The following CCDC102B variants were observed in gnomAD, a reference collection of about 807,000 sequenced individuals.
CCDC102B encodes the protein coiled-coil domain-containing protein 102B.
In CCDC102B, 75 loss-of-function variants were observed where a neutral mutation model predicts 57.4. The observed-to-expected ratio is 1.31, with a 90% CI of 1.08 to 1.58. CCDC102B has a LOEUF of 1.58. CCDC102B is among the 40% of genes most tolerant of loss of function. The pLI is 0.00. For missense variants in CCDC102B, 636 were observed against 582.6 expected (o/e 1.09, Z -0.94); for synonymous variants, 206 against 201.9 (o/e 1.02, Z -0.17).
intron 6 of CCDC102B, among the ~76,000 whole-genome samples, chr18:68,960,928 T>C (rs2050031239): frequency 2.0e-5 from 3 of 152,182 alleles, no homozygotes; most frequent in African/African-American, 7.2e-5. Context: ...AGTGCCTCTT[T>C]CCTTAATATG....
intron 6 of CCDC102B, among the ~76,000 whole-genome samples, chr18:68,935,999 C>A (rs1461507285): frequency 6.6e-6 from 1 of 151,840 alleles, no homozygotes; most frequent in Middle Eastern, 3.2e-3. Context: ...CCAAAATACT[C>A]CAAAATATGC....
Position 68,874,718 on chromosome 18 carries a change from G to A in CCDC102B, c.986G>A (p.Gly329Asp), listed in dbSNP as rs746426458. Residue 329 changes from glycine to aspartate, a missense_variant, in exon 5 of 8, where the codon GGC becomes GAC. Transcript: ENST00000360242. ...QHNDEMQELS[G>D]NIKEESKSQN... ...AATGATGAAATGCAAGAACTGTCAGGCAATATAAAGGAAGAATCCAAATCT... is the reference window on the plus strand; with the variant it reads ...AATGATGAAATGCAAGAACTGTCAGACAATATAAAGGAAGAATCCAAATCT... 3 of 1,612,136 alleles carry A rather than the reference G, an allele frequency of 1.9e-6. No individual in the cohort carries two copies. Among genetic ancestry groups the A allele is most frequent in the South Asian group, 1.1e-5 (1 of 91,016 alleles).
chr18:68,958,436 A>G (rs2049962968), intron 6 of CCDC102B, among the ~76,000 whole-genome samples: 1 of 152,194 alleles, frequency 6.6e-6, no homozygotes, highest in African/African-American at 2.4e-5. Context: ...CTTGCTTCCC[A>G]GGAATAAATC....
chr18:68,819,163 G>C (rs2036601646), intron 1 of CCDC102B, among the ~76,000 whole-genome samples: 1 of 151,966 alleles, frequency 6.6e-6, no homozygotes, highest in Non-Finnish European at 1.5e-5. Context: ...TTGATATCCT[G>C]TTTAGAAAAA....
intron 5 of CCDC102B, 79 bp downstream of exon 5, chr18:68,874,864 G>A: frequency 1.1e-6 from 1 of 882,746 alleles, no homozygotes; most frequent in Non-Finnish European, 1.8e-6. Flanking sequence ...TTTAAGTAGG[G>A]TAACGGTCGT....
At chr18:68,947,401 T>C (rs2049570528) in intron 6 of CCDC102B, among the ~76,000 whole-genome samples, 1 of 152,076 alleles carries the variant, frequency 6.6e-6, no homozygotes, top group Admixed American at 6.6e-5. Flanking sequence ...ATATAATGGC[T>C]GCACATACAT....
intron 1 of CCDC102B, among the ~76,000 whole-genome samples, chr18:68,823,178 G>A (rs1243396143): frequency 6.6e-6 from 1 of 152,190 alleles, no homozygotes; most frequent in Non-Finnish European, 1.5e-5. Context: ...ACCAATTGGA[G>A]GCCTCTAAAG....
chr18:68,979,579 T>C (rs1363896916), intron 6 of CCDC102B, among the ~76,000 whole-genome samples: 1 of 152,030 alleles, frequency 6.6e-6, no homozygotes, highest in Non-Finnish European at 1.5e-5. Context: ...TGTGTATGAT[T>C]GAATGCAGAA....
intron 1 of CCDC102B, among the ~76,000 whole-genome samples, chr18:68,818,075 A>G (rs188716300): frequency 2.4e-4 from 37 of 152,300 alleles, no homozygotes; most frequent in Non-Finnish European, 3.7e-4. Flanking sequence ...ATTAAACTAC[A>G]TTATTTTACA....
At chr18:68,744,642 A>G (rs2033540174) in intron 2 of CCDC102B, among the ~76,000 whole-genome samples, 1 of 152,012 alleles carries the variant, frequency 6.6e-6, no homozygotes, top group Non-Finnish European at 1.5e-5. Flanking sequence ...CATGGATTCA[A>G]CCGTGTAGGA....
At chr18:68,833,838 A>G (rs2037249016) in intron 1 of CCDC102B, among the ~76,000 whole-genome samples, 3 of 152,166 alleles carry the variant, frequency 2.0e-5, no homozygotes, top group African/African-American at 7.2e-5. Context: ...TGCAGGAATC[A>G]TGGTGGCCTG....
At chr18:68,740,677 C>A (rs969954888) in intron 2 of CCDC102B, among the ~76,000 whole-genome samples, 1 of 152,132 alleles carries the variant, frequency 6.6e-6, no homozygotes, top group Admixed American at 6.6e-5. Context: ...CATGAGTAAC[C>A]CAGTGCTGCC....
At chr18:68,872,173 T>A (rs955950518) in intron 4 of CCDC102B, among the ~76,000 whole-genome samples, 6 of 152,190 alleles carry the variant, frequency 3.9e-5, no homozygotes, top group Non-Finnish European at 8.8e-5. Flanking sequence ...AATTTGGCTT[T>A]CCAGTGTGTC....
chr18:68,874,079 GT>G (rs1355450666), intron 4 of CCDC102B, among the ~76,000 whole-genome samples: 5 of 150,204 alleles, frequency 3.3e-5, no homozygotes, highest in Admixed American at 3.3e-4. Flanking sequence ...TCACCTTTCT[GT>G]TTTTTTCTGC....
At position 69,054,760 on chromosome 18, in the gene CCDC102B, T is replaced by TCGC; in HGVS notation, c.*624_*626dup. On this transcript the variant is annotated 3_prime_UTR_variant, in exon 8 of 8. Transcript: ENST00000360242. Reference sequence around the variant, plus strand: ...TTGAATCTAAGACAGGCTGTAAGCATCGCTGAGAAACTAAAAGGACTTTTG... The same window carrying TCGC: ...TTGAATCTAAGACAGGCTGTAAGCATCGCCGCTGAGAAACTAAAAGGACTTTTG... The TCGC allele has an allele frequency of 1.0e-6, 1 of 985,346 alleles. No homozygotes were observed. The highest frequency in any genetic ancestry group is 1.7e-5 in the African/African-American group (1 of 57,358). The allele number at this position is 985,346 out of a possible 1,614,324, so 61.0% of individuals were successfully genotyped here.
intron 6 of CCDC102B, among the ~76,000 whole-genome samples, chr18:68,910,167 C>T (rs1047843404): frequency 6.6e-6 from 1 of 152,114 alleles, no homozygotes; most frequent in Non-Finnish European, 1.5e-5. Flanking sequence ...GTGGTACGTG[C>T]CTGAAATCCT....
At chr18:68,936,451 C>T (rs183393612) in intron 6 of CCDC102B, among the ~76,000 whole-genome samples, 1 of 152,100 alleles carries the variant, frequency 6.6e-6, no homozygotes, top group East Asian at 2.0e-4. Flanking sequence ...AAGATTCTTT[C>T]AGCCCCTTGG....
intron 1 of CCDC102B, chr18:68,798,544 T>G (rs963459332): frequency 6.6e-6 from 1 of 152,202 alleles, no homozygotes; most frequent in South Asian, 2.1e-4. Context: ...AATTAGTCAT[T>G]GTGTTTGAAG....
At chr18:68,941,143 TA>T (rs2049370752) in intron 6 of CCDC102B, among the ~76,000 whole-genome samples, 1 of 151,698 alleles carries the variant, frequency 6.6e-6, no homozygotes, top group South Asian at 2.1e-4. Context: ...ATGTTGTATT[TA>T]TTTATAATAT....
Sources: allele counts gnomAD v4.1 joint callset (sites outside exome capture counted in the v4.1 genomes callset), GRCh38; gene constraint gnomAD v4.1.1; transcripts MANE v1.5; gene names NCBI Gene and HGNC (gene_info 2026-07-23, HGNC 2026-07-21).